COG3: variants seen among roughly 807,000 people sequenced by gnomAD.
COG3 encodes conserved oligomeric Golgi complex subunit 3.
COG3 carries 32 observed loss-of-function variants against 114.1 expected under a neutral mutation model. The observed-to-expected ratio is 0.28, with a 90% CI of 0.21 to 0.38. The LOEUF is 0.38. Among genes scored for constraint, COG3 ranks in the 10% least tolerant of loss-of-function variants. The pLI is 1.00. For synonymous variants in COG3, 352 were observed against 365.7 expected (o/e 0.96, Z 0.43); for missense variants, 813 against 973.2 (o/e 0.84, Z 2.19).
chr13:45,513,585 ATATG>A (rs1174935197), intron 16 of COG3, among the ~76,000 whole-genome samples: 3 of 147,330 alleles, frequency 2.0e-5, no homozygotes, highest in Non-Finnish European at 4.5e-5. Context: ...CATTTTATAT[ATATG>A]TATCTCTCCA....
intron 10 of COG3, 52 bp from the exon 11 acceptor site, chr13:45,492,107 C>G (rs1887056309): frequency 9.3e-7 from 1 of 1,078,058 alleles, no homozygotes. Flanking sequence ...TCATAAACAT[C>G]AGAAATGTTG....
chr13:45,523,429 C>T (rs1872380753), intron 19 of COG3, among the ~76,000 whole-genome samples: 2 of 152,006 alleles, frequency 1.3e-5, no homozygotes, highest in South Asian at 2.1e-4. Flanking sequence ...AAACTGTATA[C>T]AGCAATGTTA....
At chr13:45,527,731 C>T (rs900899073) in intron 20 of COG3, among the ~76,000 whole-genome samples, 1 of 152,116 alleles carries the variant, frequency 6.6e-6, no homozygotes, top group African/African-American at 2.4e-5. Flanking sequence ...CCTGTGCACC[C>T]ACTCTCTGCT....
intron 8 of COG3, among the ~76,000 whole-genome samples, chr13:45,489,736 TGG>T (rs1454917813): frequency 6.6e-6 from 1 of 152,020 alleles, no homozygotes; most frequent in Non-Finnish European, 1.5e-5. Context: ...TCTTCCTGGT[TGG>T]GGTGATTTAA....
At chr13:45,477,846 T>C (rs1358376026) in intron 2 of COG3, among the ~76,000 whole-genome samples, 3 of 152,116 alleles carry the variant, frequency 2.0e-5, no homozygotes, top group Admixed American at 2.0e-4. Flanking sequence ...CAGGATGATC[T>C]CAATCTCCTG....
intron 2 of COG3, among the ~76,000 whole-genome samples, chr13:45,477,866 T>TCTGC (rs1437468671): frequency 2.0e-5 from 3 of 152,158 alleles, no homozygotes; most frequent in Non-Finnish European, 1.5e-5. Context: ...GACCTCGTGA[T>TCTGC]CTGCCTGCCT....
At chr13:45,481,111 T>C (rs1332446423) in intron 4 of COG3, 119 bp from the exon 5 acceptor site, 2 of 654,162 alleles carry the variant, frequency 3.1e-6, no homozygotes, top group Non-Finnish European at 5.5e-6. Flanking sequence ...TGAGCTGAAT[T>C]CTCATATCTG....
At chr13:45,500,582 C>G (rs1339615184) in intron 13 of COG3, among the ~76,000 whole-genome samples, 1 of 152,112 alleles carries the variant, frequency 6.6e-6, no homozygotes, top group Admixed American at 6.5e-5. Context: ...TTGAGATTTA[C>G]AGAAAAATTG....
chr13:45,511,920 A>G lies in COG3; in HGVS notation c.1809+66A>G, dbSNP rs566667183. 392 of 1,245,118 alleles carry G rather than the reference A, an allele frequency of 3.1e-4. 2 individuals are homozygous for G. The African/African-American group carries it at 4.2e-3, about 13-fold the overall frequency. The allele number at this position is 1,245,118 out of a possible 1,614,324, so 77.1% of individuals were successfully genotyped here. A position where few individuals can be genotyped will look rare whatever the true frequency, so the allele number is the denominator to read the frequency against. On this transcript the variant is annotated intron_variant, in intron 16 of 22. Coordinates refer to ENST00000349995, the MANE Select transcript of COG3 (RefSeq NM_031431.4). Reference sequence around the variant, plus strand: ...ATATTGTGGAATATAGCATTTACTTATAGGCACAGAAGTTTAAAGCTGTTT... The same window carrying G: ...ATATTGTGGAATATAGCATTTACTTGTAGGCACAGAAGTTTAAAGCTGTTT...
chr13:45,498,638 TTTTTGTTTTG>T (rs373378195), intron 13 of COG3, among the ~76,000 whole-genome samples: 60 of 152,154 alleles, frequency 3.9e-4, no homozygotes, highest in African/African-American at 1.4e-3. Context: ...ATTAATGGTT[TTTTTGTTTTG>T]TTTTGTTTTG....
Position 45,465,236 on chromosome 13 carries a change from C to T in COG3, c.174+26C>T, listed in dbSNP as rs529699854. ...GTGAGGTGATGGGCAGGAACCGGGCCGGGGCGATGGGGCTGGGATTCTCCT... is the reference window on the plus strand; with the variant it reads ...GTGAGGTGATGGGCAGGAACCGGGCTGGGGCGATGGGGCTGGGATTCTCCT... On this transcript the variant is annotated intron_variant, in intron 1 of 22. Transcript: ENST00000349995. The T allele has an allele frequency of 1.5e-5, 24 of 1,609,848 alleles. No individual in the cohort carries two copies. The African/African-American group carries it at 2.1e-4, about 14-fold the overall frequency.
intron 1 of COG3, 21 bp downstream of exon 1, chr13:45,465,231 C>T (rs1566235868): frequency 1.2e-6 from 2 of 1,610,372 alleles, no homozygotes; most frequent in Non-Finnish European, 8.5e-7. Context: ...GGGCAGGAAC[C>T]GGGCCGGGGC....
chr13:45,510,659 A>G (rs1293487336), intron 15 of COG3, among the ~76,000 whole-genome samples: 1 of 152,222 alleles, frequency 6.6e-6, no homozygotes, highest in Non-Finnish European at 1.5e-5. Context: ...AATAGTAGGT[A>G]GGCCTGAGGA....
At chr13:45,520,423 G>A (rs1872005239) in intron 19 of COG3, among the ~76,000 whole-genome samples, 1 of 152,072 alleles carries the variant, frequency 6.6e-6, no homozygotes, top group Non-Finnish European at 1.5e-5. Context: ...AAATATGATG[G>A]CTCTTATTTT....
chr13:45,509,779 C>G lies in COG3; in HGVS notation c.1682C>G (p.Thr561Ser). Reference protein sequence around the residue: ...HGMWYPTVRRTLVCLSKLYRC... With the variant: ...HGMWYPTVRRSLVCLSKLYRC... ...ATGTGGTATCCTACGGTTCGAAGAA[C>G]TCTTGTCTGTCTCTCCAAATTATAC... is the stretch of plus-strand genomic sequence containing the variant. Residue 561 changes from threonine to serine, a missense_variant, in exon 15 of 23, where the codon ACT becomes AGT. Thr to Ser is a moderately conservative substitution (Grantham distance 58). This residue lies in a region of COG3 where 389 missense variants were observed against 542.6 expected (regional missense o/e 0.72). Coordinates refer to ENST00000349995, the MANE Select transcript of COG3 (RefSeq NM_031431.4). The G allele has an allele frequency of 6.2e-7, 1 of 1,613,848 alleles. No homozygotes were observed. Among genetic ancestry groups the G allele is most frequent in the Non-Finnish European group, 8.5e-7 (1 of 1,179,744 alleles).
chr13:45,482,222 A>T (rs928695494), intron 5 of COG3, among the ~76,000 whole-genome samples, 159 bp from the exon 6 acceptor site: 5 of 152,150 alleles, frequency 3.3e-5, no homozygotes, highest in African/African-American at 1.2e-4. Flanking sequence ...TCTTTATTGT[A>T]CATGTGGGCT....
At chr13:45,477,019 G>C (rs1885912479) in intron 2 of COG3, among the ~76,000 whole-genome samples, 1 of 152,186 alleles carries the variant, frequency 6.6e-6, no homozygotes, top group Non-Finnish European at 1.5e-5. Context: ...CTGAAAGTCA[G>C]CTCCATCATT....
At chr13:45,492,083 G>A in intron 10 of COG3, 76 bp from the exon 11 acceptor site, 2 of 877,302 alleles carry the variant, frequency 2.3e-6, no homozygotes, top group Non-Finnish European at 3.6e-6. Flanking sequence ...TGCACATAAA[G>A]TGTAGGCTTT....
intron 12 of COG3, among the ~76,000 whole-genome samples, chr13:45,494,482 A>C (rs984318429): frequency 1.3e-5 from 2 of 151,896 alleles, no homozygotes; most frequent in African/African-American, 4.8e-5. Context: ...ACTGCTTCTA[A>C]ATTTTTTATT....
Sources: allele counts gnomAD v4.1 joint callset (sites outside exome capture counted in the v4.1 genomes callset), GRCh38; gene constraint gnomAD v4.1.1; regional missense constraint gnomAD v4.1.1; transcripts MANE v1.5; gene names NCBI Gene and HGNC (gene_info 2026-07-23, HGNC 2026-07-21).